DMTN: variants seen among roughly 807,000 people sequenced by gnomAD.
DMTN encodes the protein dematin actin binding protein.
A neutral mutation model predicts 59.4 loss-of-function variants in DMTN; 27 were observed. The observed-to-expected ratio is 0.45, with a 90% CI of 0.33 to 0.63. DMTN has a LOEUF of 0.63. Among genes scored for constraint, DMTN ranks in the 20% least tolerant of loss-of-function variants. The pLI is 0.02. For missense variants in DMTN, 451 were observed against 528.9 expected, an observed-to-expected ratio of 0.85 and a Z score of 1.45; for synonymous variants, 221 against 203.7, an observed-to-expected ratio of 1.08 and a Z score of -0.72.
intron 1 of DMTN, among the ~76,000 whole-genome samples, chr8:22,065,259 C>T (rs1039780877): frequency 5.9e-5 from 9 of 152,202 alleles, no homozygotes; most frequent in Non-Finnish European, 1.2e-4. Context: ...GCCTCGAACT[C>T]CTGACCTCAA....
rs761441380 is a variant in DMTN at position 22,073,830 on chromosome 8, A to G, written c.830A>G (p.His277Arg). ...TRSLPDRTPF[H>R]TSLHQGTSKS... ...TCTCTGCCTGACCGGACACCCTTCCATACCTGTGAGTGCTGTGGAGGGGGC... is the reference window on the plus strand; with the variant it reads ...TCTCTGCCTGACCGGACACCCTTCCGTACCTGTGAGTGCTGTGGAGGGGGC... Residue 277 changes from histidine to arginine, a missense_variant, in exon 10 of 16, where the codon CAT becomes CGT. By Grantham distance (29) the His-to-Arg change is conservative. Transcript: ENST00000358242. 6.2e-7 allele frequency: 1 copy of G among 1,613,876 alleles called. No homozygotes were observed. Among genetic ancestry groups the G allele is most frequent in the South Asian group, 1.1e-5 (1 of 91,080 alleles).
intron 10 of DMTN, among the ~76,000 whole-genome samples, chr8:22,079,648 C>T (rs1291460252): frequency 2.6e-5 from 4 of 151,664 alleles, no homozygotes; most frequent in Non-Finnish European, 5.9e-5. Flanking sequence ...TTAATAGAGA[C>T]AGGGTTTCTC....
upstream of DMTN, among the ~76,000 whole-genome samples, chr8:22,055,765 C>G (rs12550817): frequency 0.12 from 18,073 of 152,052 alleles, 1,165 homozygotes; most frequent in Admixed American, 0.15. Context: ...TTACTGTCCT[C>G]TCTGTCCCCA....
chr8:22,081,563 G>A lies in DMTN; in HGVS notation c.*100G>A. 1 of 1,043,612 alleles carries A rather than the reference G, an allele frequency of 9.6e-7. No homozygotes were observed. The highest frequency in any genetic ancestry group is 1.9e-5 in the Admixed American group (1 of 52,266). The allele number at this position is 1,043,612 out of a possible 1,614,324, so 64.6% of individuals were successfully genotyped here. On this transcript the variant is annotated 3_prime_UTR_variant, in exon 16 of 16. Coordinates refer to ENST00000358242, the MANE Select transcript of DMTN (RefSeq NM_001387751.1). ...CAGGAGGTGGGGTGGAAATAGGGTG[G>A]GCTCCTTTCCTCAGGTAGAGTGGGG...
chr8:22,061,749 ATTTTTTTTTTT>A (rs1175743497), intron 1 of DMTN, among the ~76,000 whole-genome samples: 1 of 119,730 alleles, frequency 8.4e-6, no homozygotes, highest in South Asian at 2.5e-4. Flanking sequence ...CTTAATTCTC[ATTTTTTTTTTT>A]TTTTTTTTTT....
In DMTN at chr8:22,080,254, C is replaced by T; in HGVS notation, c.900+10C>T. The T allele has an allele frequency of 1.9e-6, 3 of 1,614,218 alleles. No individual in the cohort carries two copies. Among genetic ancestry groups the T allele is most frequent in the Non-Finnish European group, 2.5e-6 (3 of 1,180,046 alleles). ...GACCACCCTGAGCCGGGTAAGGTCT[C>T]AGGACCAGAGATATAGACTACGTGG... On this transcript the variant is annotated intron_variant, in intron 11 of 15. Transcript: ENST00000358242.
At chr8:22,079,312 T>G (rs1822557521) in intron 10 of DMTN, among the ~76,000 whole-genome samples, 1 of 36,686 alleles carries the variant, frequency 2.7e-5, no homozygotes. Flanking sequence ...TAGCTGGGTT[T>G]GATGGCGCAT....
chr8:22,050,748 C>T (rs534413837), upstream of DMTN, among the ~76,000 whole-genome samples: 67 of 151,398 alleles, frequency 4.4e-4, no homozygotes, highest in Admixed American at 1.2e-3. Flanking sequence ...CTGCTCCCGC[C>T]CTGGGTCTCT....
intron 8 of DMTN, among the ~76,000 whole-genome samples, chr8:22,071,286 T>C (rs975434816): frequency 2.0e-5 from 3 of 151,462 alleles, no homozygotes; most frequent in Admixed American, 6.6e-5. Context: ...TTAGTAGATA[T>C]GGGTTTTCAT....
At chr8:22,073,693 C>G in intron 9 of DMTN, 37 bp from the exon 10 acceptor site, 1 of 1,243,018 alleles carries the variant, frequency 8.0e-7, no homozygotes, top group Non-Finnish European at 1.2e-6. Context: ...ATTCAAGTGT[C>G]TAAGTCTTGG....
At chr8:22,072,484 T>A in intron 9 of DMTN, 34 bp downstream of exon 9, 1 of 1,529,328 alleles carries the variant, frequency 6.5e-7, no homozygotes, top group Non-Finnish European at 8.8e-7. Context: ...TCCACCCCTG[T>A]GCAGGAGTCT....
chr8:22,071,685 T>C (rs946007668), intron 8 of DMTN, among the ~76,000 whole-genome samples: 5 of 152,106 alleles, frequency 3.3e-5, no homozygotes, highest in African/African-American at 1.2e-4. Flanking sequence ...GCTCACGCTA[T>C]TCTCCTGCCT....
At position 22,067,030 on chromosome 8, in the gene DMTN, C is replaced by G. The variant is rs1438525192; in HGVS notation, c.19-55C>G. 4.0e-6 allele frequency: 6 copies of G among 1,498,360 alleles called. No individual in the cohort carries two copies. In the African/African-American group the frequency reaches 8.7e-5, roughly 22 times the overall value. 92.8% of individuals were successfully genotyped at this position (1,498,360 alleles called of 1,614,324 possible). On this transcript the variant is annotated intron_variant, in intron 2 of 15. Transcript: ENST00000358242. Reference sequence around the variant, plus strand: ...TCCCCCAGGCCTAGGGCCGCCCCCGCCCCGCTCCCGCACACACGCACGTGC... The same window carrying G: ...TCCCCCAGGCCTAGGGCCGCCCCCGGCCCGCTCCCGCACACACGCACGTGC...
In DMTN at chr8:22,056,993, T is replaced by C. The variant is rs548648066; in HGVS notation, c.-315T>C. 6 of 142,218 alleles carry C rather than the reference T, an allele frequency of 4.2e-5. No individual in the cohort carries two copies. Among genetic ancestry groups the C allele is most frequent in the Non-Finnish European group, 9.3e-5 (6 of 64,680 alleles). 8.8% of individuals were successfully genotyped at this position (142,218 alleles called of 1,614,324 possible). A position where few individuals can be genotyped will look rare whatever the true frequency, so the allele number is the denominator to read the frequency against. On this transcript the variant is annotated 5_prime_UTR_variant, in exon 1 of 16. Coordinates refer to ENST00000358242, the MANE Select transcript of DMTN (RefSeq NM_001387751.1). ...CTAAGCCGGCATTTTTCCTGTTATT[T>C]GTGCTCCGGGGAAGCGCCGCGGGGT...
intron 1 of DMTN, among the ~76,000 whole-genome samples, chr8:22,061,282 C>CAAAAA (rs533576492): frequency 3.0e-5 from 2 of 66,518 alleles, no homozygotes; most frequent in African/African-American, 1.0e-4. Flanking sequence ...GACCCTGTCT[C>CAAAAA]AAAAAAAAAA....
upstream of DMTN, among the ~76,000 whole-genome samples, chr8:22,052,666 A>C (rs776240985): frequency 4.6e-4 from 70 of 152,302 alleles, no homozygotes; most frequent in Non-Finnish European, 3.2e-4. Context: ...TACACATGAC[A>C]TAACAAAGCA....
In DMTN at chr8:22,082,383, G is replaced by A. The variant is rs199546893; in HGVS notation, c.*920G>A. 2.9e-5 allele frequency: 11 copies of A among 378,036 alleles called. No homozygotes were observed. The highest frequency in any genetic ancestry group is 3.8e-5 in the South Asian group (2 of 52,540). 23.4% of individuals were successfully genotyped at this position (378,036 alleles called of 1,614,324 possible). A position where few individuals can be genotyped will look rare whatever the true frequency, so the allele number is the denominator to read the frequency against. On this transcript the variant is annotated 3_prime_UTR_variant, in exon 16 of 16. Coordinates refer to ENST00000358242, the MANE Select transcript of DMTN (RefSeq NM_001387751.1). ...CCAGCTTGACTTCTTTCCAGTCCAC[G>A]TGTGTATATAATGATATCTATATTT...
At chr8:22,074,294 G>C (rs993304911) in intron 10 of DMTN, among the ~76,000 whole-genome samples, 2 of 146,058 alleles carry the variant, frequency 1.4e-5, no homozygotes, top group African/African-American at 5.0e-5. Flanking sequence ...GTTTTATTGA[G>C]ACAGGGCCTT....
chr8:22,073,438 CA>C (rs528993890), intron 9 of DMTN, among the ~76,000 whole-genome samples: 35 of 151,756 alleles, frequency 2.3e-4, no homozygotes, highest in African/African-American at 8.2e-4. Context: ...CAAGGCTAGG[CA>C]ACATGGTGAA....
Sources: gnomAD v4.1 joint callset for allele counts (sites outside exome capture counted in the v4.1 genomes callset) on GRCh38, gnomAD v4.1.1 for gene constraint, MANE v1.5 for transcripts, NCBI Gene and HGNC (gene_info 2026-07-23, HGNC 2026-07-21) for gene names.